Variants in MAT2A observed in about 807,000 individuals in gnomAD.
The protein encoded by MAT2A is S-adenosylmethionine synthase isoform type-2.
In MAT2A, 3 loss-of-function variants were observed where a neutral mutation model predicts 43.9. The observed-to-expected ratio is 0.07, with a 90% CI of 0.03 to 0.18. MAT2A has a LOEUF of 0.18. Ranked by LOEUF, MAT2A falls within the 10% of genes least tolerant of loss-of-function variation. The probability of loss-of-function intolerance (pLI) is 1.00; values close to 1 mark genes in which losing one functional copy is unlikely to be tolerated. For missense variants in MAT2A, 204 were observed against 489.0 expected, an observed-to-expected ratio of 0.42 and a Z score of 5.50; for synonymous variants, 200 against 168.4, an observed-to-expected ratio of 1.19 and a Z score of -1.45.
At chr2:85,540,636 T>C (rs1395719158) in intron 1 of MAT2A, among the ~76,000 whole-genome samples, 8 of 152,248 alleles carry the variant, frequency 5.3e-5, no homozygotes, top group Non-Finnish European at 8.8e-5. Context: ...AGCTTTTGTT[T>C]CCTGCGCAAC....
intron 8 of MAT2A, chr2:85,543,357 T>C: frequency 2.4e-6 from 1 of 417,378 alleles, no homozygotes; most frequent in Non-Finnish European, 4.3e-6. Flanking sequence ...GTAAAAACCA[T>C]GGTAGGGTGT....
Position 85,541,170 on chromosome 2 carries a change from G to A in MAT2A, c.169+10G>A. The A allele has an allele frequency of 6.2e-7, 1 of 1,613,726 alleles. No homozygotes were observed. Among genetic ancestry groups the A allele is most frequent in the African/African-American group, 1.3e-5 (1 of 75,044 alleles). On this transcript the variant is annotated intron_variant, in intron 2 of 8. Transcript: ENST00000306434. ...GCCAAAGTAGCTTGTGGTAGGTTCA[G>A]AATGTGCTTATCAACTGGTGGAAAG...
At chr2:85,540,179 A>G (rs368273058) in intron 1 of MAT2A, among the ~76,000 whole-genome samples, 7 of 152,354 alleles carry the variant, frequency 4.6e-5, no homozygotes, top group Middle Eastern at 3.4e-3. Flanking sequence ...ATGGGGATCA[A>G]TTGGCACGTG....
Position 85,544,938 on chromosome 2 carries a change from ATTTT to A in MAT2A, c.*1175_*1178del, listed in dbSNP as rs886056355. ...CACCTCAGATGGCAGCTTTTAAAAG[ATTTT>A]TTTTTTTTCTCTCAACACCATGATT... On this transcript the variant is annotated 3_prime_UTR_variant, in exon 9 of 9. Transcript: ENST00000306434. 2 of 147,634 alleles carry A rather than the reference ATTTT, an allele frequency of 1.4e-5. No individual in the cohort carries two copies. The highest frequency in any genetic ancestry group is 5.0e-5 in the African/African-American group (2 of 40,306). The allele number at this position is 147,634 out of a possible 1,614,324, so 9.1% of individuals were successfully genotyped here. A position where few individuals can be genotyped will look rare whatever the true frequency, so the allele number is the denominator to read the frequency against.
Position 85,541,343 on chromosome 2 carries a change from T to C in MAT2A, c.258T>C (p.Ala86=). Reference sequence around the variant, plus strand: ...ACTACCAGAAAGTGGTTCGTGAAGCTGTTAAACACATTGGATATGATGATT... The same window carrying C: ...ACTACCAGAAAGTGGTTCGTGAAGCCGTTAAACACATTGGATATGATGATT... ...AVDYQKVVRE[A]VKHIGYDDSS... is the part of the protein sequence containing the mutation. The change falls in exon 3 of 9, where the codon GCT becomes GCC. Residue 86 remains alanine, a synonymous_variant. Transcript: ENST00000306434. The C allele has an allele frequency of 1.2e-6, 2 of 1,613,940 alleles. No homozygotes were observed. Among genetic ancestry groups the C allele is most frequent in the Non-Finnish European group, 1.7e-6 (2 of 1,179,996 alleles).
rs1308436968 is a variant in MAT2A at position 85,542,392 on chromosome 2, A to AT, written c.768+24dup. ...GCCTCAGGTAATGTCATTTTGTTGC[A>AT]TTTTTCTGGATTTTTGATGGTTACT... is the stretch of plus-strand genomic sequence containing the variant. On this transcript the variant is annotated intron_variant, in intron 6 of 8. Transcript: ENST00000306434. 3 of 1,605,314 alleles carry AT rather than the reference A, an allele frequency of 1.9e-6. No individual in the cohort carries two copies. The highest frequency in any genetic ancestry group is 2.6e-6 in the Non-Finnish European group (3 of 1,173,418).
At chr2:85,541,005 C>A in intron 1 of MAT2A, 78 bp from the exon 2 acceptor site, 1 of 871,434 alleles carries the variant, frequency 1.1e-6, no homozygotes, top group Non-Finnish European at 1.9e-6. Flanking sequence ...CAGATAGTAA[C>A]AGGGAGGGAG....
chr2:85,542,068 G>A (rs1475771362), intron 5 of MAT2A, 87 bp from the exon 6 acceptor site: 2 of 1,578,630 alleles, frequency 1.3e-6, no homozygotes, highest in African/African-American at 2.7e-5. Context: ...AATAGCATTT[G>A]TTTTCCTATA....
At chr2:85,539,479 C>T (rs1023533683) in intron 1 of MAT2A, 101 bp downstream of exon 1, 4 of 872,764 alleles carry the variant, frequency 4.6e-6, no homozygotes, top group African/African-American at 1.8e-5. Context: ...GCGGGTCGTC[C>T]TCGTCCGCCG....
At chr2:85,543,220 G>A (rs965422638) in intron 8 of MAT2A, 186 bp downstream of exon 8, 22 of 620,854 alleles carry the variant, frequency 3.5e-5, no homozygotes, top group African/African-American at 2.2e-4. Context: ...TTAAAATTAC[G>A]GTGCTCCATG....
chr2:85,542,046 C>T (rs1439577926), intron 5 of MAT2A, 74 bp downstream of exon 5: 1 of 1,588,302 alleles, frequency 6.3e-7, no homozygotes, highest in African/African-American at 1.3e-5. Context: ...TTGATAATAG[C>T]TAACTGGAAA....
intron 7 of MAT2A, 63 bp from the exon 8 acceptor site, chr2:85,542,838 C>T (rs759955458): frequency 3.2e-5 from 50 of 1,565,102 alleles, no homozygotes; most frequent in African/African-American, 8.2e-5. Flanking sequence ...TTTATACCAA[C>T]GTATTATACA....
At position 85,539,181 on chromosome 2, in the gene MAT2A, C is replaced by A; in HGVS notation, c.-107C>A. 1 of 802,972 alleles carries A rather than the reference C, an allele frequency of 1.2e-6. No homozygotes were observed. The highest frequency in any genetic ancestry group is 2.0e-6 in the Non-Finnish European group (1 of 499,866). 49.7% of individuals were successfully genotyped at this position (802,972 alleles called of 1,614,324 possible). On this transcript the variant is annotated 5_prime_UTR_variant, in exon 1 of 9. Transcript: ENST00000306434. ...GCCCGCTGCTTCGTTCGCTCCGCGC[C>A]GCCCGCCTGCTACGAGTAGAACGCT... is the stretch of plus-strand genomic sequence containing the variant.
rs986534978 is a variant in MAT2A, at chr2:85,539,193, A to G, written c.-95A>G. The G allele has an allele frequency of 8.2e-5, 71 of 870,828 alleles. No homozygotes were observed. The highest frequency in any genetic ancestry group is 1.1e-4 in the Non-Finnish European group (61 of 552,274). The allele number at this position is 870,828 out of a possible 1,614,324, so 53.9% of individuals were successfully genotyped here. ...GTTCGCTCCGCGCCGCCCGCCTGCT[A>G]CGAGTAGAACGCTGTCCGCAGCTTG... On this transcript the variant is annotated 5_prime_UTR_variant, in exon 1 of 9. Coordinates refer to ENST00000306434, the MANE Select transcript of MAT2A (RefSeq NM_005911.6).
intron 1 of MAT2A, chr2:85,539,595 C>A: frequency 6.9e-6 from 3 of 435,128 alleles, no homozygotes; most frequent in South Asian, 3.6e-5. Flanking sequence ...TCCCTTCCCC[C>A]CTCCCTTTTC....
chr2:85,542,771 C>T (rs766673561), intron 7 of MAT2A, 24 bp downstream of exon 7: 4 of 1,579,714 alleles, frequency 2.5e-6, no homozygotes, highest in South Asian at 1.1e-5. Flanking sequence ...ATATAACGAA[C>T]GATTAAAAGT....
intron 2 of MAT2A, 45 bp from the exon 3 acceptor site, chr2:85,541,210 A>G (rs755547710): frequency 1.2e-6 from 2 of 1,612,042 alleles, no homozygotes; most frequent in South Asian, 2.2e-5. Context: ...CATAAAAATT[A>G]TTTTTATAGA....
chr2:85,542,421 A>C, intron 6 of MAT2A, 48 bp downstream of exon 6: 1 of 1,585,706 alleles, frequency 6.3e-7, no homozygotes, highest in Non-Finnish European at 8.6e-7. Flanking sequence ...GGTTACTTAA[A>C]ATTTTGGCTA....
chr2:85,541,174 G>C lies in MAT2A; in HGVS notation c.169+14G>C, dbSNP rs766463528. Reference sequence around the variant, plus strand: ...AAGTAGCTTGTGGTAGGTTCAGAATGTGCTTATCAACTGGTGGAAAGATAG... The same window carrying C: ...AAGTAGCTTGTGGTAGGTTCAGAATCTGCTTATCAACTGGTGGAAAGATAG... On this transcript the variant is annotated intron_variant, in intron 2 of 8. Coordinates refer to ENST00000306434, the MANE Select transcript of MAT2A (RefSeq NM_005911.6). The C allele has an allele frequency of 6.2e-7, 1 of 1,613,524 alleles. No homozygotes were observed. Among genetic ancestry groups the C allele is most frequent in the South Asian group, 1.1e-5 (1 of 91,002 alleles).
Sources: gnomAD v4.1 joint callset for allele counts (sites outside exome capture counted in the v4.1 genomes callset) on GRCh38, gnomAD v4.1.1 for gene constraint, MANE v1.5 for transcripts, NCBI Gene and HGNC (gene_info 2026-07-23, HGNC 2026-07-21) for gene names.